The following RTL4 variants were observed in gnomAD, a reference collection of about 807,000 sequenced individuals.
RTL4 encodes retrotransposon Gag like 4.
RTL4 carries 4 observed loss-of-function variants against 5.3 expected under a neutral mutation model. The observed-to-expected ratio is 0.75, with a 90% CI of 0.37 to 1.72. RTL4 has a LOEUF of 1.72. Among genes scored for constraint, RTL4 ranks in the 40% most tolerant of loss-of-function variants. RTL4 has a pLI of 0.04. For synonymous variants in RTL4, 98 were observed against 87.3 expected, an observed-to-expected ratio of 1.12 and a Z score of -0.68; for missense variants, 260 against 227.1, an observed-to-expected ratio of 1.14 and a Z score of -0.93.
the RTL4 span, among the ~76,000 whole-genome samples, chrX:112,131,142 C>A: frequency 6.5e-5 from 7 of 108,449 alleles, no homozygotes; most frequent in Non-Finnish European, 1.1e-4. Flanking sequence ...AGGTCTTGGC[C>A]TTACATAAAA....
chrX:112,121,417 T>C, the RTL4 span, among the ~76,000 whole-genome samples: 1 of 111,866 alleles, frequency 8.9e-6, no homozygotes, highest in South Asian at 3.7e-4. Context: ...AAAGTATAAA[T>C]TATGAAAGAT....
the RTL4 span, among the ~76,000 whole-genome samples, chrX:112,350,473 G>A: frequency 1.8e-5 from 2 of 109,821 alleles, no homozygotes; most frequent in African/African-American, 3.3e-5. Context: ...GGTAGAATTC[G>A]GCTGTGAATC....
At chrX:112,391,240 T>A in the RTL4 span, among the ~76,000 whole-genome samples, 7 of 112,038 alleles carry the variant, frequency 6.2e-5, no homozygotes, top group African/African-American at 2.3e-4. Context: ...CTTAGTTTCC[T>A]TGGATTGGGT....
the RTL4 span, among the ~76,000 whole-genome samples, chrX:112,310,369 C>CAT: frequency 0.015 from 67 of 4,349 alleles, no homozygotes; most frequent in African/African-American, 0.02. Flanking sequence ...CACCTTTATA[C>CAT]ATATATATAT....
the RTL4 span, among the ~76,000 whole-genome samples, chrX:112,195,294 A>C: frequency 8.6e-3 from 967 of 112,097 alleles, 11 homozygotes; most frequent in African/African-American, 0.03. Context: ...GAAAAATTGA[A>C]ACAGTGAAGT....
chrX:112,326,296 G>C, the RTL4 span, among the ~76,000 whole-genome samples: 1 of 111,550 alleles, frequency 9.0e-6, no homozygotes, highest in Non-Finnish European at 1.9e-5. Flanking sequence ...GTGGATGTGC[G>C]CACCGTGCAT....
the RTL4 span, among the ~76,000 whole-genome samples, chrX:112,183,239 G>A: frequency 3.6e-5 from 4 of 112,091 alleles, no homozygotes; most frequent in Non-Finnish European, 7.5e-5. Flanking sequence ...TTGACACTAT[G>A]AAGAAACTGC....
At chrX:112,311,107 A>T in the RTL4 span, among the ~76,000 whole-genome samples, 1 of 108,346 alleles carries the variant, frequency 9.2e-6, no homozygotes, top group Non-Finnish European at 1.9e-5. Flanking sequence ...TGTCTTCCAG[A>T]AGCCTTAAGC....
chrX:112,310,239 T>G, the RTL4 span, among the ~76,000 whole-genome samples: 1,587 of 94,763 alleles, frequency 0.017, 43 homozygotes, highest in African/African-American at 0.057. Flanking sequence ...ATGATAGGAT[T>G]AGTGCCCTTA....
the RTL4 span, among the ~76,000 whole-genome samples, chrX:112,174,270 T>C: frequency 7.4e-5 from 6 of 80,543 alleles, no homozygotes; most frequent in African/African-American, 2.9e-4. Context: ...TGTGATGTTC[T>C]CCTTCCTGTG....
At chrX:112,416,062 A>G in the RTL4 span, among the ~76,000 whole-genome samples, 9,413 of 111,372 alleles carry the variant, frequency 0.085, 340 homozygotes, top group African/African-American at 0.13. Context: ...GCAATCCTTG[A>G]TGTTCCTTAG....
chrX:112,374,043 T>C, the RTL4 span, among the ~76,000 whole-genome samples: 2 of 111,279 alleles, frequency 1.8e-5, no homozygotes, highest in East Asian at 2.8e-4. Context: ...TTATCAATCA[T>C]TTCCTTTATT....
chrX:112,158,019 T>C, the RTL4 span, among the ~76,000 whole-genome samples: 1 of 111,351 alleles, frequency 9.0e-6, no homozygotes, highest in East Asian at 2.9e-4. Context: ...CCTGAGGCCA[T>C]ACAGTTCTTG....
chrX:112,456,196 G>T, exon 1 of RTL4: 1 of 304,396 alleles, frequency 3.3e-6, no homozygotes, highest in South Asian at 2.2e-4. Flanking sequence ...TTCACCTATT[G>T]ACTACGATCT....
At chrX:112,233,733 C>T in the RTL4 span, among the ~76,000 whole-genome samples, 1 of 110,964 alleles carries the variant, frequency 9.0e-6, no homozygotes, top group Admixed American at 9.6e-5. Context: ...ATGCTTTGTC[C>T]AACAGAGTTG....
the RTL4 span, among the ~76,000 whole-genome samples, chrX:112,407,118 C>A: frequency 9.1e-6 from 1 of 109,757 alleles, no homozygotes; most frequent in African/African-American, 3.3e-5. Flanking sequence ...TTGAGAAAAG[C>A]AAAGGCAAAG....
the RTL4 span, among the ~76,000 whole-genome samples, chrX:112,241,716 A>T: frequency 5.4e-5 from 6 of 111,766 alleles, no homozygotes; most frequent in African/African-American, 1.3e-4. Context: ...CCCATTTGTC[A>T]ATTTTGGCTT....
the RTL4 span, among the ~76,000 whole-genome samples, chrX:112,169,026 C>CTT: frequency 4.7e-4 from 23 of 49,042 alleles, no homozygotes; most frequent in African/African-American, 9.6e-4. Context: ...CTTTCTCTTT[C>CTT]TCTTTCTTTC....
At chrX:112,321,794 T>C in the RTL4 span, among the ~76,000 whole-genome samples, 1,124 of 111,315 alleles carry the variant, frequency 0.01, 14 homozygotes, top group African/African-American at 0.034. Context: ...GGAGTGAACA[T>C]GATCTTTGAA....
Sources: gnomAD v4.1 joint callset for allele counts (sites outside exome capture counted in the v4.1 genomes callset) on GRCh38, gnomAD v4.1.1 for gene constraint, MANE v1.5 for transcripts, NCBI Gene and HGNC (gene_info 2026-07-23, HGNC 2026-07-21) for gene names.